MTMR3: variants seen among roughly 807,000 people sequenced by gnomAD.
MTMR3 encodes the protein myotubularin related protein 3.
MTMR3 carries 32 observed loss-of-function variants against 132.4 expected under a neutral mutation model. That is an observed-to-expected ratio of 0.24 (90% CI 0.18 to 0.32). The LOEUF is 0.32. Among genes scored for constraint, MTMR3 ranks in the 10% least tolerant of loss-of-function variants. The pLI is 1.00. For missense variants in MTMR3, 1,216 were observed against 1,489.6 expected, an observed-to-expected ratio of 0.82 and a Z score of 3.02; for synonymous variants, 556 against 550.3, an observed-to-expected ratio of 1.01 and a Z score of -0.14.
At chr22:29,993,434 G>A (rs1451478217) in intron 7 of MTMR3, 2 of 151,704 alleles carry the variant, frequency 1.3e-5, no homozygotes, top group Non-Finnish European at 2.9e-5. Context: ...TAAATTTTTA[G>A]TTTCTACCAT....
intron 12 of MTMR3, chr22:30,010,623 G>A (rs2067394289): frequency 6.6e-6 from 1 of 152,108 alleles, no homozygotes; most frequent in Non-Finnish European, 1.5e-5. Flanking sequence ...GGCAGGTTTT[G>A]GAGTACAGCT....
chr22:30,018,053 G>A lies in MTMR3; in HGVS notation c.1801G>A (p.Asp601Asn). 1.2e-6 allele frequency: 2 copies of A among 1,610,116 alleles called. No individual in the cohort carries two copies. Among genetic ancestry groups the A allele is most frequent in the Non-Finnish European group, 1.7e-6 (2 of 1,178,818 alleles). Residue 601 changes from aspartate (D) to asparagine (N), a missense_variant, in exon 16 of 20, where the codon GAT becomes AAT. Coordinates refer to ENST00000401950, the MANE Select transcript of MTMR3 (RefSeq NM_021090.4). Reference protein sequence around the residue: ...APYPAPGTSPDDPPLSRLPKT... With the variant: ...APYPAPGTSPNDPPLSRLPKT... ...ATACCCAGCCCCAGGCACCAGCCCT[G>A]ATGATCCCCCCCTGAGCCGGTGAGC...
rs1602536757 is a variant in MTMR3, at chr22:29,947,372, C to G, written c.-137-9664C>G. Among the ~76,000 whole-genome samples the G allele has an allele frequency of 2.0e-5, 3 of 151,206 alleles. No homozygotes were observed. In the East Asian group the frequency reaches 5.8e-4, roughly 29 times the overall value. ...TTTTTAAATGCTGAATTGTATAGTA[C>G]TTAAGTTTTTGATGTATAAACAATA... On this transcript the variant is annotated intron_variant, in intron 1 of 19. Coordinates refer to ENST00000401950, the MANE Select transcript of MTMR3 (RefSeq NM_021090.4).
chr22:29,964,892 C>T (rs1020759706), intron 2 of MTMR3, among the ~76,000 whole-genome samples: 1 of 152,098 alleles, frequency 6.6e-6, no homozygotes, highest in Non-Finnish European at 1.5e-5. Context: ...TACATTTCTC[C>T]AACTTCAAGT....
intron 1 of MTMR3, among the ~76,000 whole-genome samples, chr22:29,927,939 G>GTTTTGTTTTTT (rs1569008222): frequency 9.3e-6 from 1 of 107,374 alleles, no homozygotes; most frequent in Non-Finnish European, 1.8e-5. Context: ...TCTAGCCTTT[G>GTTTTGTTTTTT]TTTTTTTTTT....
chr22:30,007,685 C>A (rs190775621), intron 10 of MTMR3: 1 of 595,756 alleles, frequency 1.7e-6, no homozygotes, highest in Non-Finnish European at 2.9e-6. Flanking sequence ...CCCATGTGTA[C>A]TCTGGGAGTC....
intron 1 of MTMR3, among the ~76,000 whole-genome samples, chr22:29,896,507 G>A (rs1361751525): frequency 6.6e-6 from 1 of 151,998 alleles, no homozygotes; most frequent in East Asian, 1.9e-4. Flanking sequence ...CAAGGCTCTC[G>A]TCTCCTTTGC....
At chr22:29,909,225 C>CT (rs1568999725) in intron 1 of MTMR3, among the ~76,000 whole-genome samples, 1 of 152,018 alleles carries the variant, frequency 6.6e-6, no homozygotes, top group South Asian at 2.1e-4. Flanking sequence ...AAATATGTTA[C>CT]TTTTTTTGAG....
rs529913674 is a variant in MTMR3 at position 29,883,257 on chromosome 22, C to G, written c.-240C>G. 1 of 153,674 alleles carries G rather than the reference C, an allele frequency of 6.5e-6. No individual in the cohort carries two copies. Among genetic ancestry groups the G allele is most frequent in the African/African-American group, 2.4e-5 (1 of 41,490 alleles). The allele number at this position is 153,674 out of a possible 1,614,324, so 9.5% of individuals were successfully genotyped here. Reference sequence around the variant, plus strand: ...GGAGTAGCAGCCGGACGAGACGTCCCAGCGGCTCAGGCGCTGCCCAGCGCC... The same window carrying G: ...GGAGTAGCAGCCGGACGAGACGTCCGAGCGGCTCAGGCGCTGCCCAGCGCC... On this transcript the variant is annotated 5_prime_UTR_variant, in exon 1 of 20. Transcript: ENST00000401950.
chr22:29,946,687 T>C (rs1026188157), intron 1 of MTMR3, among the ~76,000 whole-genome samples: 1 of 152,172 alleles, frequency 6.6e-6, no homozygotes, highest in African/African-American at 2.4e-5. Flanking sequence ...TTTTGCAGTA[T>C]CTGTATACCA....
intron 9 of MTMR3, chr22:30,005,008 C>A (rs954075477): frequency 2.6e-5 from 4 of 152,208 alleles, no homozygotes; most frequent in Non-Finnish European, 2.9e-5. Flanking sequence ...TCTAACATAG[C>A]AAGATGATGT....
intron 1 of MTMR3, among the ~76,000 whole-genome samples, chr22:29,928,260 C>T (rs1436250353): frequency 6.6e-6 from 1 of 151,214 alleles, no homozygotes; most frequent in Non-Finnish European, 1.5e-5. Context: ...CTGCCGCCTC[C>T]GCCTCCTGGG....
chr22:29,907,407 A>AG (rs1261926045), intron 1 of MTMR3, among the ~76,000 whole-genome samples: 10 of 146,588 alleles, frequency 6.8e-5, no homozygotes, highest in African/African-American at 2.8e-4. Context: ...TCTTAAAAAA[A>AG]AAAATTACAA....
chr22:29,994,417 CGAG>C (rs2067021954), intron 7 of MTMR3: 1 of 148,090 alleles, frequency 6.8e-6, no homozygotes, highest in African/African-American at 2.5e-5. Context: ...AAAAACACCT[CGAG>C]GACATCCAGT....
intron 5 of MTMR3, chr22:29,986,130 C>G (rs960986148): frequency 5.3e-5 from 8 of 152,230 alleles, no homozygotes; most frequent in Non-Finnish European, 1.5e-5. Flanking sequence ...TAATCCTATC[C>G]CAGACTCTTC....
rs746536544 is a variant in MTMR3 at position 30,007,949 on chromosome 22, C to T, written c.926C>T (p.Pro309Leu). The T allele has an allele frequency of 2.0e-5, 33 of 1,613,454 alleles. No homozygotes were observed. Among genetic ancestry groups the T allele is most frequent in the Middle Eastern group, 1.7e-4 (1 of 5,766 alleles). ...GGAGCAGAGAGTTTAGCCATCCAAC[C>T]GCAGAAGCTTTTGATCTTGGATGCA... ...ASGAESLAIQ[P>L]QKLLILDARS... Residue 309 changes from proline (P) to leucine (L), a missense_variant, in exon 11 of 20, where the codon CCG becomes CTG. Physicochemically the swap from Pro to Leu is moderately conservative, Grantham distance 98. Around this residue, in one of 7 missense-constraint regions of MTMR3, gnomAD observed 47 missense variants for 46.8 expected, o/e 1.00. Coordinates refer to ENST00000401950, the MANE Select transcript of MTMR3 (RefSeq NM_021090.4).
chr22:29,959,111 T>C (rs1212073655), intron 2 of MTMR3, among the ~76,000 whole-genome samples: 2 of 152,228 alleles, frequency 1.3e-5, no homozygotes, highest in Non-Finnish European at 2.9e-5. Context: ...AACAGGTGCC[T>C]GAAAGATGAG....
intron 12 of MTMR3, chr22:30,010,036 G>C (rs1002366767): frequency 4.6e-5 from 7 of 152,232 alleles, no homozygotes; most frequent in African/African-American, 1.7e-4. Context: ...TCAGCCAAGA[G>C]GATGAAGCAG....
intron 1 of MTMR3, among the ~76,000 whole-genome samples, chr22:29,938,506 G>C (rs1362485852): frequency 6.6e-6 from 1 of 152,206 alleles, no homozygotes; most frequent in Non-Finnish European, 1.5e-5. Context: ...TCCAAAATCT[G>C]AGTGTCTGTT....
Sources: allele counts gnomAD v4.1 joint callset (sites outside exome capture counted in the v4.1 genomes callset), GRCh38; gene constraint gnomAD v4.1.1; regional missense constraint gnomAD v4.1.1; transcripts MANE v1.5; gene names NCBI Gene and HGNC (gene_info 2026-07-23, HGNC 2026-07-21).